KHDC1: variants seen among roughly 807,000 people sequenced by gnomAD.
KHDC1 encodes the protein KH domain containing 1, also known as KH homology domain-containing protein 1.
KHDC1 carries 21 observed loss-of-function variants against 24.7 expected under a neutral mutation model. The observed-to-expected ratio is 0.85, with a 90% CI of 0.60 to 1.23. The LOEUF (loss-of-function observed/expected upper bound fraction) is 1.23. KHDC1 is among the 50% of genes most tolerant of loss of function. The pLI is 0.00. For missense variants in KHDC1, 274 were observed against 298.5 expected, an observed-to-expected ratio of 0.92 and a Z score of 0.61; for synonymous variants, 98 against 111.7, an observed-to-expected ratio of 0.88 and a Z score of 0.77.
intron 2 of KHDC1, among the ~76,000 whole-genome samples, chr6:73,243,161 T>G (rs539474987): frequency 6.6e-6 from 1 of 151,288 alleles, no homozygotes. Flanking sequence ...ATTAATGTGG[T>G]CTTCATTGTG....
chr6:73,241,781 T>A (rs772325727), intron 4 of KHDC1, 53 bp from the exon 4 acceptor site: 11 of 1,580,658 alleles, frequency 7.0e-6, no homozygotes, highest in Non-Finnish European at 9.5e-6. Context: ...CTGGGGCCCA[T>A]TGGCAGGCCT....
At chr6:73,268,252 T>TA (rs1767110184) in intron 2 of KHDC1, 1 of 152,710 alleles carries the variant, frequency 6.5e-6, no homozygotes, top group South Asian at 2.1e-4. Flanking sequence ...GTGAGTGTGT[T>TA]ACAGCTCTTA....
chr6:73,290,638 T>G (rs546358040), intron 2 of KHDC1: 3 of 504,376 alleles, frequency 5.9e-6, no homozygotes, highest in South Asian at 4.4e-5. Context: ...ATGTGTCATA[T>G]CCTGCAGGAA....
At chr6:73,280,859 G>C (rs1023300284) in intron 2 of KHDC1, among the ~76,000 whole-genome samples, 6 of 151,474 alleles carry the variant, frequency 4.0e-5, no homozygotes, top group African/African-American at 1.5e-4. Context: ...TTGTCAGTTT[G>C]CATTTTCCCC....
intron 2 of KHDC1, chr6:73,263,070 AGCGGCGG>A: frequency 1.9e-5 from 2 of 103,116 alleles, no homozygotes; most frequent in South Asian, 3.9e-4. Flanking sequence ...CGGCGGCGGC[AGCGGCGG>A]CAGCGGCTGC....
At chr6:73,267,431 T>C (rs113471237) in intron 2 of KHDC1, among the ~76,000 whole-genome samples, 3,189 of 152,002 alleles carry the variant, frequency 0.021, 110 homozygotes, top group African/African-American at 0.073. Flanking sequence ...TGGAGTGAGC[T>C]GAGATCACGC....
At chr6:73,281,147 C>T (rs9351987) in intron 2 of KHDC1, among the ~76,000 whole-genome samples, 39,797 of 151,850 alleles carry the variant, frequency 0.26, 6,631 homozygotes, top group Middle Eastern at 0.4. Context: ...AGTTTGAGAC[C>T]AGCCTAACAT....
At chr6:73,293,742 C>T (rs1767705207) in intron 1 of KHDC1, among the ~76,000 whole-genome samples, 1 of 151,310 alleles carries the variant, frequency 6.6e-6, no homozygotes, top group Admixed American at 6.6e-5. Flanking sequence ...CAGTGGCTCA[C>T]ACCTGTAATC....
intron 2 of KHDC1, among the ~76,000 whole-genome samples, chr6:73,278,135 C>G (rs1272077014): frequency 6.7e-6 from 1 of 149,642 alleles, no homozygotes; most frequent in Admixed American, 6.7e-5. Context: ...CCTTAGCCTC[C>G]TGAGTAGCTA....
intron 1 of KHDC1, among the ~76,000 whole-genome samples, chr6:73,309,070 C>T (rs1768029319): frequency 6.6e-6 from 1 of 152,198 alleles, no homozygotes; most frequent in South Asian, 2.1e-4. Context: ...AGTGATGGGC[C>T]TTGGCCTCCC....
At chr6:73,278,977 G>A (rs1471902163) in intron 2 of KHDC1, among the ~76,000 whole-genome samples, 1 of 152,026 alleles carries the variant, frequency 6.6e-6, no homozygotes, top group African/African-American at 2.4e-5. Flanking sequence ...ACTCCTTTTT[G>A]GCATGGATGA....
chr6:73,272,213 G>T lies in KHDC1; in HGVS notation c.206+19785C>A, dbSNP rs541434582. On this transcript the variant is annotated intron_variant, in intron 2 of 4. Coordinates refer to ENST00000370384, the Ensembl canonical transcript of KHDC1. ...GAGTCTTGCTCTGTCGCCCACGCTG[G>T]AGTGCAGTGGAGCGATCTCGGCTCA... Among the ~76,000 whole-genome samples, 130 of 151,694 alleles carry T rather than the reference G, an allele frequency of 8.6e-4. No individual in the cohort carries two copies. In the East Asian group the frequency reaches 0.011, roughly 13 times the overall value.
At chr6:73,276,366 A>G (rs1463372192) in intron 2 of KHDC1, 1 of 152,268 alleles carries the variant, frequency 6.6e-6, no homozygotes, top group Non-Finnish European at 1.5e-5. Context: ...ACATGCTTGT[A>G]ATCCCAGCTA....
intron 1 of KHDC1, chr6:73,292,409 T>A: frequency 1.3e-6 from 1 of 778,244 alleles, no homozygotes; most frequent in East Asian, 2.4e-5. Context: ...AGCAGCAGAA[T>A]ATCTTTATTT....
chr6:73,272,134 C>G lies in KHDC1; in HGVS notation c.206+19864G>C, dbSNP rs188151883. Among the ~76,000 whole-genome samples, 5 of 151,608 alleles carry G rather than the reference C, an allele frequency of 3.3e-5. No homozygotes were observed. The East Asian group carries it at 1.0e-3, about 30-fold the overall frequency. On this transcript the variant is annotated intron_variant, in intron 2 of 4. Coordinates refer to ENST00000370384, the Ensembl canonical transcript of KHDC1. Reference sequence around the variant, plus strand: ...AGAAAAAACTTTTGATCATGCAAACCTAAGTTTATTAGAATTCCTACACCA... The same window carrying G: ...AGAAAAAACTTTTGATCATGCAAACGTAAGTTTATTAGAATTCCTACACCA...
At chr6:73,309,824 G>T in exon 1 of KHDC1, 1 of 1,326,526 alleles carries the variant, frequency 7.5e-7, no homozygotes, top group Non-Finnish European at 1.0e-6. Context: ...CGACGGAGAA[G>T]CGAAGTTCAG....
intron 2 of KHDC1, chr6:73,269,398 CGAGGGCTGT>C: frequency 6.5e-6 from 1 of 154,118 alleles, no homozygotes; most frequent in East Asian, 1.9e-4. Flanking sequence ...GGACAGCGAG[CGAGGGCTGT>C]GAGGACTGCC....
intron 2 of KHDC1, among the ~76,000 whole-genome samples, chr6:73,257,821 A>C (rs1259363262): frequency 1.3e-5 from 2 of 152,172 alleles, no homozygotes; most frequent in African/African-American, 4.8e-5. Flanking sequence ...TATATGAAAT[A>C]TCTAGGCCAG....
chr6:73,287,907 C>T (rs1369058510), intron 2 of KHDC1, among the ~76,000 whole-genome samples: 1 of 152,170 alleles, frequency 6.6e-6, no homozygotes, highest in Non-Finnish European at 1.5e-5. Flanking sequence ...TTCTTGGCAG[C>T]TGGCACAACT....
Sources: gnomAD v4.1 joint callset for allele counts (sites outside exome capture counted in the v4.1 genomes callset) on GRCh38, gnomAD v4.1.1 for gene constraint, MANE v1.5 for transcripts, NCBI Gene and HGNC (gene_info 2026-07-23, HGNC 2026-07-21) for gene names.